The following RYR2 variants were observed in gnomAD, a reference collection of about 807,000 sequenced individuals.
RYR2 encodes the protein ryanodine receptor 2.
RYR2 carries 227 observed loss-of-function variants against 601.1 expected under a neutral mutation model. That is an observed-to-expected ratio of 0.38 (90% confidence interval 0.34 to 0.42). RYR2 has a LOEUF of 0.42. Among genes scored for constraint, RYR2 ranks in the 10% least tolerant of loss-of-function variants. The probability of loss-of-function intolerance (pLI) is 1.00; values close to 1 mark genes in which losing one functional copy is unlikely to be tolerated. For synonymous variants in RYR2, 2,223 were observed against 2,175.1 expected (o/e 1.02, Z -0.61); for missense variants, 4,646 against 6,156.5 (o/e 0.75, Z 8.21).
intron 80 of RYR2, among the ~76,000 whole-genome samples, chr1:237,744,718 T>TAA (rs199825432): frequency 2.2e-5 from 2 of 91,104 alleles, no homozygotes; most frequent in Admixed American, 1.0e-4. Flanking sequence ...CCTTCTTTTT[T>TAA]TAAAAAAAAA....
At chr1:237,756,025 A>T (rs977185289) in intron 80 of RYR2, among the ~76,000 whole-genome samples, 3 of 152,018 alleles carry the variant, frequency 2.0e-5, no homozygotes, top group Admixed American at 6.6e-5. Context: ...CAGGCTTTGA[A>T]TGAATCAAAT....
chr1:237,128,848 C>T (rs2490381), intron 1 of RYR2, among the ~76,000 whole-genome samples: 78,295 of 151,712 alleles, frequency 0.52, 21,265 homozygotes, highest in Admixed American at 0.6. Flanking sequence ...GGTTGGATTC[C>T]GGATATATTT....
At chr1:237,536,380 G>A (rs1412308173) in intron 25 of RYR2, among the ~76,000 whole-genome samples, 1 of 152,132 alleles carries the variant, frequency 6.6e-6, no homozygotes, top group Non-Finnish European at 1.5e-5. Flanking sequence ...GACCATCCTG[G>A]CTAACACGGT....
chr1:237,614,066 G>C lies in RYR2; in HGVS notation c.4938G>C (p.Glu1646Asp), dbSNP rs1678197035. 6.2e-7 allele frequency: 1 copy of C among 1,613,796 alleles called. No homozygotes were observed. The highest frequency in any genetic ancestry group is 8.5e-7 in the Non-Finnish European group (1 of 1,179,768). The stretch of plus-strand genomic sequence containing the variant: ...CTGTTGACATCTTAGAGTTGACAGA[G>C]CAGGAGGAATTGCTGAAATTTCACT... ...NRSVDILELT[E>D]QEELLKFHYH... The change falls in exon 37 of 105, where the codon GAG becomes GAC. Residue 1646 changes from glutamate to aspartate, a missense_variant. Glu to Asp is a conservative substitution (Grantham distance 45). Coordinates refer to ENST00000366574, the MANE Select transcript of RYR2 (RefSeq NM_001035.3). The surrounding 1 kb of genome is among the most constrained non-coding windows in gnomAD (Gnocchi z 4.3).
chr1:237,666,897 G>C (rs760269037), intron 57 of RYR2, among the ~76,000 whole-genome samples: 3 of 151,554 alleles, frequency 2.0e-5, no homozygotes, highest in African/African-American at 7.3e-5. Context: ...GTGACAGAGT[G>C]AGACTCCCTC....
intron 23 of RYR2, among the ~76,000 whole-genome samples, chr1:237,510,600 A>C (rs1487461830): frequency 6.6e-6 from 1 of 152,198 alleles, no homozygotes; most frequent in Non-Finnish European, 1.5e-5. Context: ...CATCATTTCT[A>C]ACTTGGTGAC....
At chr1:237,736,871 AG>A (rs1236054403) in intron 79 of RYR2, among the ~76,000 whole-genome samples, 1 of 152,252 alleles carries the variant, frequency 6.6e-6, no homozygotes, top group African/African-American at 2.4e-5. Flanking sequence ...CTGAGAAGCC[AG>A]GAAGTTAGAT....
chr1:237,539,158 G>T (rs771581584), intron 25 of RYR2, among the ~76,000 whole-genome samples: 6 of 152,184 alleles, frequency 3.9e-5, no homozygotes, highest in Non-Finnish European at 8.8e-5. Context: ...TTCACAAGAA[G>T]ATTAATTTTG....
intron 81 of RYR2, among the ~76,000 whole-genome samples, chr1:237,756,872 T>C (rs555803626): frequency 6.6e-6 from 1 of 152,346 alleles, no homozygotes; most frequent in South Asian, 2.1e-4. Context: ...AGCTGTAATT[T>C]TTTTATGTAA....
At chr1:237,694,344 G>C (rs1267898543) in intron 63 of RYR2, among the ~76,000 whole-genome samples, 3 of 151,134 alleles carry the variant, frequency 2.0e-5, no homozygotes, top group Non-Finnish European at 1.5e-5. Context: ...AATCACTGCA[G>C]ATAGAAGCAT....
In RYR2 at chr1:237,417,073, T is replaced by C. The variant is rs1245793918; in HGVS notation, c.798T>C (p.Ala266=). 10 of 1,613,886 alleles carry C rather than the reference T, an allele frequency of 6.2e-6. No individual in the cohort carries two copies. The highest frequency in any genetic ancestry group is 1.3e-5 in the African/African-American group (1 of 75,018). ...QRRTVHYEGG[A]VSVHARSLWR... is the part of the protein sequence containing the mutation. ...GAACTGTTCATTATGAAGGTGGCGC[T>C]GTGTCTGTTCATGCACGTTCCCTTT... The change falls in exon 11 of 105, where the codon GCT becomes GCC. Residue 266 remains alanine, a synonymous_variant. Coordinates refer to ENST00000366574, the MANE Select transcript of RYR2 (RefSeq NM_001035.3).
intron 1 of RYR2, among the ~76,000 whole-genome samples, chr1:237,144,731 ACT>A (rs1673796149): frequency 6.6e-6 from 1 of 151,954 alleles, no homozygotes; most frequent in South Asian, 2.1e-4. Flanking sequence ...TGCCCTGGAG[ACT>A]CTATCATATT....
rs79117823 is a variant in RYR2, at chr1:237,502,011, G to A, written c.2396+1108G>A. Among the ~76,000 whole-genome samples the A allele has an allele frequency of 9.8e-3, 1,494 of 152,034 alleles. 26 individuals carry two copies. The highest frequency in any genetic ancestry group is 0.032 in the African/African-American group (1,328 of 41,456). On this transcript the variant is annotated intron_variant, in intron 21 of 104. Coordinates refer to ENST00000366574, the MANE Select transcript of RYR2 (RefSeq NM_001035.3). ...TGTTTTGTTTTGTTTTGTTTCTTTA[G>A]TTAGCACCTAGTTTTGTATGCCTGT...
At chr1:237,513,968 G>A (rs1249119647) in intron 24 of RYR2, among the ~76,000 whole-genome samples, 1 of 152,098 alleles carries the variant, frequency 6.6e-6, no homozygotes, top group Admixed American at 6.6e-5. Context: ...AAAAGAAAAA[G>A]CAATATATAC....
intron 101 of RYR2, among the ~76,000 whole-genome samples, chr1:237,824,389 A>G (rs1161701028): frequency 6.6e-6 from 1 of 152,248 alleles, no homozygotes; most frequent in Non-Finnish European, 1.5e-5. Context: ...AAATCAATAA[A>G]TGTAATCCAT....
rs952093359 is a variant in RYR2, at chr1:237,625,821, T to C, written c.6166+17T>C. On this transcript the variant is annotated intron_variant, in intron 40 of 104. Coordinates refer to ENST00000366574, the MANE Select transcript of RYR2 (RefSeq NM_001035.3). ...AAAAGTCCTGTAAGCAGTATGAGAG[T>C]GCACTGGCAGAATGACCCAACTGCT... 11 of 1,610,576 alleles carry C rather than the reference T, an allele frequency of 6.8e-6. No individual in the cohort carries two copies. Among genetic ancestry groups the C allele is most frequent in the African/African-American group, 2.7e-5 (2 of 74,782 alleles).
Position 237,614,737 on chromosome 1 carries a change from T to G in RYR2, c.5609T>G (p.Val1870Gly), listed in dbSNP as rs1553522588. 1 of 1,613,956 alleles carries G rather than the reference T, an allele frequency of 6.2e-7. No homozygotes were observed. The highest frequency in any genetic ancestry group is 8.5e-7 in the Non-Finnish European group (1 of 1,179,854). The change falls in exon 37 of 105, where the codon GTG (valine) becomes GGG (glycine). Residue 1870 changes from valine (V) to glycine (G), a missense_variant. Around this residue, in one of 17 missense-constraint regions of RYR2, gnomAD observed 1,807 missense variants for 2,088.1 expected, o/e 0.87. Transcript: ENST00000366574. This position sits in a 1 kb window ranked among gnomAD's most constrained non-coding sequence, Gnocchi z 4.3. ...GACACGCTGGAGAAAGAGCTCAGTG[T>G]GGACGATGCAAAGCTGCAAGGAGCT... Reference protein sequence around the residue: ...ESDTLEKELSVDDAKLQGAGE... With the variant: ...ESDTLEKELSGDDAKLQGAGE...
At chr1:237,133,919 C>T (rs948363932) in intron 1 of RYR2, among the ~76,000 whole-genome samples, 35 of 19,100 alleles carry the variant, frequency 1.8e-3, no homozygotes, top group Non-Finnish European at 4.5e-3. Flanking sequence ...AGCAAGACTC[C>T]GTCTCAAAAA....
chr1:237,744,017 G>A (rs1429406569), intron 80 of RYR2, among the ~76,000 whole-genome samples: 1 of 152,060 alleles, frequency 6.6e-6, no homozygotes, highest in Non-Finnish European at 1.5e-5. Context: ...ATGATAAATG[G>A]TATTGCTGGT....
Sources: gnomAD v4.1 joint callset for allele counts (sites outside exome capture counted in the v4.1 genomes callset) on GRCh38, gnomAD v4.1.1 for gene constraint, gnomAD v4.1.1 regional missense constraint, Gnocchi (gnomAD v3.1) non-coding constraint, MANE v1.5 for transcripts, NCBI Gene and HGNC (gene_info 2026-07-23, HGNC 2026-07-21) for gene names.